Variants in GALNTL6 observed in about 807,000 individuals in gnomAD.
GALNTL6 encodes polypeptide N-acetylgalactosaminyltransferase like 6, also known as polypeptide N-acetylgalactosaminyltransferase-like 6.
GALNTL6 carries 46 observed loss-of-function variants against 73.7 expected under a neutral mutation model. The observed-to-expected ratio is 0.62, with a 90% confidence interval of 0.49 to 0.80. The LOEUF (loss-of-function observed/expected upper bound fraction) is 0.80, where lower values mean the gene tolerates loss of function less well. GALNTL6 is among the 30% of genes least tolerant of loss of function. The probability of loss-of-function intolerance (pLI) is 0.00; values close to 1 mark genes in which losing one functional copy is unlikely to be tolerated. For synonymous variants in GALNTL6, 259 were observed against 263.7 expected (o/e 0.98, Z 0.17); for missense variants, 604 against 755.0 (o/e 0.80, Z 2.34).
chr4:172,489,490 T>G (rs1358111701), intron 5 of GALNTL6, among the ~76,000 whole-genome samples: 1 of 152,252 alleles, frequency 6.6e-6, no homozygotes, highest in Non-Finnish European at 1.5e-5. Flanking sequence ...ATGATAGAGG[T>G]ACATATGCCT....
chr4:171,976,171 C>A (rs983729115), intron 2 of GALNTL6, among the ~76,000 whole-genome samples: 1 of 152,198 alleles, frequency 6.6e-6, no homozygotes, highest in African/African-American at 2.4e-5. Context: ...AATTCTTCCA[C>A]CTCGACCTCC....
intron 5 of GALNTL6, among the ~76,000 whole-genome samples, chr4:172,650,250 G>C (rs1740416478): frequency 6.6e-6 from 1 of 152,120 alleles, no homozygotes; most frequent in South Asian, 2.1e-4. Flanking sequence ...GGAAGGTACT[G>C]TGTTTTTAAA....
In GALNTL6 at chr4:173,019,001, T is replaced by A. The variant is rs150262065; in HGVS notation, c.1489-2475T>A. 2.0e-5 allele frequency among the ~76,000 whole-genome samples: 3 copies of A among 152,286 alleles called. No individual in the cohort carries two copies. In the East Asian group the frequency reaches 5.8e-4, roughly 29 times the overall value. On this transcript the variant is annotated intron_variant, in intron 11 of 12. Coordinates refer to ENST00000506823, the MANE Select transcript of GALNTL6 (RefSeq NM_001034845.3). ...GTAACCAAAAAAGCCAGTTTGGAGA[T>A]CATTGCAAGAGCTATTGAGAGCAAT...
At chr4:172,313,222 T>C (rs1740426629) in intron 4 of GALNTL6, among the ~76,000 whole-genome samples, 1 of 147,780 alleles carries the variant, frequency 6.8e-6, no homozygotes, top group East Asian at 2.1e-4. Context: ...GCCTCCTGGG[T>C]TCACGCCATT....
intron 2 of GALNTL6, among the ~76,000 whole-genome samples, chr4:171,907,793 A>G (rs960549788): frequency 6.6e-6 from 1 of 151,680 alleles, no homozygotes; most frequent in Non-Finnish European, 1.5e-5. Context: ...TTACCAAAAC[A>G]GAGATATAGA....
intron 5 of GALNTL6, among the ~76,000 whole-genome samples, chr4:172,535,410 C>T (rs1735314506): frequency 6.6e-6 from 1 of 152,136 alleles, no homozygotes; most frequent in Admixed American, 6.6e-5. Flanking sequence ...GCTTCAGAGC[C>T]ACACCATGTT....
At chr4:172,391,925 A>G (rs1743675959) in intron 5 of GALNTL6, among the ~76,000 whole-genome samples, 1 of 152,208 alleles carries the variant, frequency 6.6e-6, no homozygotes, top group Non-Finnish European at 1.5e-5. Flanking sequence ...GATTGAAAGG[A>G]CACACTAATG....
intron 2 of GALNTL6, among the ~76,000 whole-genome samples, chr4:172,186,333 A>G (rs1462267114): frequency 1.3e-5 from 2 of 152,184 alleles, no homozygotes; most frequent in African/African-American, 4.8e-5. Flanking sequence ...TGGGGCTGTG[A>G]AATGTTTCAG....
At chr4:171,935,872 G>A (rs1210847911) in intron 2 of GALNTL6, among the ~76,000 whole-genome samples, 4 of 152,092 alleles carry the variant, frequency 2.6e-5, no homozygotes, top group Non-Finnish European at 5.9e-5. Context: ...GGTAAAGAAT[G>A]AAGACCTCTT....
At chr4:172,308,313 C>G (rs564997819) in intron 3 of GALNTL6, among the ~76,000 whole-genome samples, 9 of 151,790 alleles carry the variant, frequency 5.9e-5, no homozygotes, top group African/African-American at 2.2e-4. Flanking sequence ...TTGGATGCCC[C>G]TTATTTCTTT....
At chr4:172,741,937 C>A (rs898443408) in intron 5 of GALNTL6, among the ~76,000 whole-genome samples, 2 of 151,610 alleles carry the variant, frequency 1.3e-5, no homozygotes, top group Non-Finnish European at 2.9e-5. Context: ...GTTTAGCTGA[C>A]AATCCTATAT....
chr4:171,998,137 T>C (rs1740550942), intron 2 of GALNTL6, among the ~76,000 whole-genome samples: 1 of 152,136 alleles, frequency 6.6e-6, no homozygotes, highest in African/African-American at 2.4e-5. Context: ...TCATGAGCAA[T>C]GCTAAGTTTT....
intron 3 of GALNTL6, among the ~76,000 whole-genome samples, chr4:172,243,781 C>T (rs942236306): frequency 1.3e-5 from 2 of 152,168 alleles, no homozygotes; most frequent in Admixed American, 6.5e-5. Flanking sequence ...TAGTGCTGAT[C>T]AGGGACCTGT....
intron 5 of GALNTL6, among the ~76,000 whole-genome samples, chr4:172,579,829 GGAAGGAGGGA>G (rs1359426952): frequency 6.9e-6 from 1 of 145,460 alleles, no homozygotes; most frequent in Admixed American, 6.8e-5. Context: ...AAGGAGGGAA[GGAAGGAGGGA>G]AGGAAGGAAA....
At position 172,822,242 on chromosome 4, in the gene GALNTL6, G is replaced by A. The variant is rs559628388; in HGVS notation, c.923+8519G>A. Reference sequence around the variant, plus strand: ...GGTCTCTTGAGATCTCTGGGTTCCTGGGATAGCTTGGGCTTTGAGATCTCA... The same window carrying A: ...GGTCTCTTGAGATCTCTGGGTTCCTAGGATAGCTTGGGCTTTGAGATCTCA... On this transcript the variant is annotated intron_variant, in intron 7 of 12. Transcript: ENST00000506823. 1.4e-4 allele frequency among the ~76,000 whole-genome samples: 21 copies of A among 152,290 alleles called. No individual in the cohort carries two copies. The South Asian group carries it at 2.9e-3, about 21-fold the overall frequency.
intron 2 of GALNTL6, among the ~76,000 whole-genome samples, chr4:171,878,027 C>A (rs1250834059): frequency 6.6e-6 from 1 of 152,126 alleles, no homozygotes; most frequent in African/African-American, 2.4e-5. Flanking sequence ...TAAATGACTT[C>A]ATATGTGAAA....
chr4:172,487,925 A>T (rs1733757052), intron 5 of GALNTL6, among the ~76,000 whole-genome samples: 1 of 152,096 alleles, frequency 6.6e-6, no homozygotes, highest in South Asian at 2.1e-4. Flanking sequence ...TATTTTTAAA[A>T]TGCAGCAGAG....
At chr4:172,940,543 A>C (rs1482366768) in intron 9 of GALNTL6, among the ~76,000 whole-genome samples, 1 of 150,748 alleles carries the variant, frequency 6.6e-6, no homozygotes, top group Non-Finnish European at 1.5e-5. Context: ...TTGTAATTTT[A>C]GTAGAGACGG....
At chr4:172,879,628 A>G (rs1195091407) in intron 7 of GALNTL6, among the ~76,000 whole-genome samples, 1 of 151,960 alleles carries the variant, frequency 6.6e-6, no homozygotes, top group Non-Finnish European at 1.5e-5. Context: ...CTAAAGCAAT[A>G]GGTAGGAATA....
Sources: gnomAD v4.1 joint callset for allele counts (sites outside exome capture counted in the v4.1 genomes callset) on GRCh38, gnomAD v4.1.1 for gene constraint, MANE v1.5 for transcripts, NCBI Gene and HGNC (gene_info 2026-07-23, HGNC 2026-07-21) for gene names.